TBL2: variants seen among roughly 807,000 people sequenced by gnomAD.
TBL2 encodes transducin beta like 2.
Under a neutral mutation model 41.8 loss-of-function variants are expected in TBL2, and 33 were observed. That is an observed-to-expected ratio of 0.79 (90% CI 0.60 to 1.06). The LOEUF (loss-of-function observed/expected upper bound fraction) is 1.06, where lower values mean the gene tolerates loss of function less well. Among genes scored for constraint, TBL2 ranks in the 50% least tolerant of loss-of-function variants. The probability of loss-of-function intolerance (pLI) is 0.00; values close to 1 mark genes in which losing one functional copy is unlikely to be tolerated. For missense variants in TBL2, 522 were observed against 603.8 expected (o/e 0.86, Z 1.42); for synonymous variants, 239 against 241.7 (o/e 0.99, Z 0.10).
In TBL2 at chr7:73,574,405, C is replaced by T. The variant is rs782343176; in HGVS notation, c.239G>A (p.Arg80His). 5 of 1,613,666 alleles carry T rather than the reference C, an allele frequency of 3.1e-6. No individual in the cohort carries two copies. Among genetic ancestry groups the T allele is most frequent in the South Asian group, 1.1e-5 (1 of 91,058 alleles). ...EKPQQHNFTH[R>H]LLAAALKSHS... is the part of the protein sequence containing the mutation. ...TACCTTCAGAGCTGCAGCCAGGAGG[C>T]GGTGGGTGAAGTTGTGTTGTTGAGG... The change falls in exon 2 of 7, where the codon CGC becomes CAC. Residue 80 changes from arginine (R) to histidine (H), a missense_variant. Physicochemically the swap from Arg to His is conservative, Grantham distance 29. Transcript: ENST00000305632.
chr7:73,575,141 T>C (rs1315752171), intron 1 of TBL2, among the ~76,000 whole-genome samples: 5 of 152,038 alleles, frequency 3.3e-5, no homozygotes, highest in Admixed American at 3.3e-4. Flanking sequence ...TTTCTTTTTT[T>C]TGGAGACAGA....
Position 73,570,471 on chromosome 7 carries a change from CTCCTCCTCA to C in TBL2, c.*27_*35del, listed in dbSNP as rs781796941. 175 of 1,458,864 alleles carry C rather than the reference CTCCTCCTCA, an allele frequency of 1.2e-4. No homozygotes were observed. The African/African-American group carries it at 2.3e-3, about 19-fold the overall frequency. 90.4% of individuals were successfully genotyped at this position (1,458,864 alleles called of 1,614,324 possible). A position where few individuals can be genotyped will look rare whatever the true frequency, so the allele number is the denominator to read the frequency against. ...GCAGTGCCATGAGGAGGCCAGATCC[CTCCTCCTCA>C]ATCCTCTGCGCCGGGCCCTCCCAGA... On this transcript the variant is annotated 3_prime_UTR_variant, in exon 7 of 7. Coordinates refer to ENST00000305632, the MANE Select transcript of TBL2 (RefSeq NM_012453.4).
In TBL2 at chr7:73,568,271, T is replaced by C. The variant is rs1006873149; in HGVS notation, c.*2236A>G. On this transcript the variant is annotated 3_prime_UTR_variant, in exon 7 of 7. Coordinates refer to ENST00000305632, the MANE Select transcript of TBL2 (RefSeq NM_012453.4). The stretch of plus-strand genomic sequence containing the variant: ...GGTCCAGGAGTCTGCCCGGTGGTGC[T>C]CTCATTCCAGTGGGTTCAACAGTGA... Among the ~76,000 whole-genome samples the C allele has an allele frequency of 6.6e-6, 1 of 152,026 alleles. No homozygotes were observed. Among genetic ancestry groups the C allele is most frequent in the Non-Finnish European group, 1.5e-5 (1 of 67,998 alleles).
In TBL2 at chr7:73,569,503, G is replaced by A. The variant is rs1352287135; in HGVS notation, c.*1004C>T. On this transcript the variant is annotated 3_prime_UTR_variant, in exon 7 of 7. Transcript: ENST00000305632. ...CTCAATACCGACTCTCTTATCAAAT[G>A]TACCCCTTCAACTTCAATACCCATT... is the stretch of plus-strand genomic sequence containing the variant. 4 of 152,126 alleles carry A rather than the reference G, an allele frequency of 2.6e-5. No homozygotes were observed. The highest frequency in any genetic ancestry group is 9.7e-5 in the African/African-American group (4 of 41,408). The allele number at this position is 152,126 out of a possible 1,614,324, so 9.4% of individuals were successfully genotyped here.
intron 1 of TBL2, among the ~76,000 whole-genome samples, chr7:73,576,031 C>A (rs567513756): frequency 9.8e-4 from 148 of 150,910 alleles, no homozygotes; most frequent in African/African-American, 3.5e-3. Flanking sequence ...GATTCTGTCT[C>A]AAAATAAATA....
intron 1 of TBL2, chr7:73,578,015 G>A: frequency 2.0e-6 from 1 of 488,766 alleles, no homozygotes; most frequent in South Asian, 3.4e-5. Context: ...TCCTTTACTG[G>A]ACTCCTTACA....
At chr7:73,576,692 C>T (rs1793342650) in intron 1 of TBL2, 1 of 456,484 alleles carries the variant, frequency 2.2e-6, no homozygotes, top group South Asian at 1.5e-5. Context: ...AGGAAAAAAG[C>T]TCCTGGGCCC....
In TBL2 at chr7:73,570,314, G is replaced by A; in HGVS notation, c.*193C>T. The A allele has an allele frequency of 9.7e-7, 1 of 1,030,826 alleles. No individual in the cohort carries two copies. 63.9% of individuals were successfully genotyped at this position (1,030,826 alleles called of 1,614,324 possible). The stretch of plus-strand genomic sequence containing the variant: ...AAAAGCACCTTGGCCACTAGTCAGG[G>A]AGGAGTCACAGCCAGCAAGAAGAGA... On this transcript the variant is annotated 3_prime_UTR_variant, in exon 7 of 7. Coordinates refer to ENST00000305632, the MANE Select transcript of TBL2 (RefSeq NM_012453.4).
At chr7:73,573,582 T>G in intron 3 of TBL2, 111 bp from the exon 4 acceptor site, 1 of 1,407,334 alleles carries the variant, frequency 7.1e-7, no homozygotes, top group Non-Finnish European at 9.6e-7. Flanking sequence ...TGCCCCACAG[T>G]CTAGCCTTAA....
At chr7:73,574,918 T>C (rs956435008) in intron 1 of TBL2, 26 of 347,388 alleles carry the variant, frequency 7.5e-5, no homozygotes, top group South Asian at 5.8e-4. Context: ...CTGTTTACAG[T>C]AAGTCCACAG....
rs1419768651 is a variant in TBL2, at chr7:73,574,410, G to A, written c.234C>T (p.Thr78=). Reference sequence around the variant, plus strand: ...TCAGAGCTGCAGCCAGGAGGCGGTGGGTGAAGTTGTGTTGTTGAGGCTTCT... The same window carrying A: ...TCAGAGCTGCAGCCAGGAGGCGGTGAGTGAAGTTGTGTTGTTGAGGCTTCT... ...RKEKPQQHNF[T]HRLLAAALKS... is the part of the protein sequence containing the mutation. Residue 78 remains threonine (T), a synonymous_variant, in exon 2 of 7, where the codon ACC becomes ACT. Transcript: ENST00000305632. The A allele has an allele frequency of 8.1e-6, 13 of 1,613,828 alleles. No individual in the cohort carries two copies. The highest frequency in any genetic ancestry group is 1.0e-5 in the Non-Finnish European group (12 of 1,180,044).
In TBL2 at chr7:73,572,940, G is replaced by C. The variant is rs782306855; in HGVS notation, c.629C>G (p.Thr210Ser). 21 of 1,614,216 alleles carry C rather than the reference G, an allele frequency of 1.3e-5. No individual in the cohort carries two copies. Among genetic ancestry groups the C allele is most frequent in the Non-Finnish European group, 1.7e-5 (20 of 1,180,046 alleles). ...GKFIMTASSDTTVLIWSLKGQ... is the reference protein window; with the variant it reads ...GKFIMTASSDSTVLIWSLKGQ... ...CTTCAGGCTCCAGATGAGGACAGTG[G>C]TGTCACTGGAGGCAGTCATGATAAA... is the stretch of plus-strand genomic sequence containing the variant. Residue 210 changes from threonine to serine, a missense_variant, in exon 5 of 7, where the codon ACC becomes AGC. Coordinates refer to ENST00000305632, the MANE Select transcript of TBL2 (RefSeq NM_012453.4).
chr7:73,574,781 C>A, intron 1 of TBL2: 1 of 550,868 alleles, frequency 1.8e-6, no homozygotes, highest in Non-Finnish European at 3.4e-6. Context: ...TACTGCATTC[C>A]ATCCTGAGTG....
At chr7:73,574,189 G>A in intron 2 of TBL2, 67 bp from the exon 3 acceptor site, 1 of 1,584,306 alleles carries the variant, frequency 6.3e-7, no homozygotes, top group Non-Finnish European at 8.6e-7. Context: ...CAAACCTGGA[G>A]CCGGGGAGAT....
chr7:73,577,005 C>T (rs193254031), intron 1 of TBL2, among the ~76,000 whole-genome samples: 1 of 152,222 alleles, frequency 6.6e-6, no homozygotes, highest in East Asian at 1.9e-4. Flanking sequence ...CGCCTGTAAT[C>T]CCAGCACTTT....
rs183320744 is a variant in TBL2 at position 73,574,632 on chromosome 7, T to C, written c.131-119A>G. ...GATTAACCAGATATGGCCCTTGTCT[T>C]CTGGAGGAGAATGAGTGTGATATGG... On this transcript the variant is annotated intron_variant, in intron 1 of 6. Transcript: ENST00000305632. 5.6e-5 allele frequency: 81 copies of C among 1,439,220 alleles called. No homozygotes were observed. The East Asian group carries it at 1.7e-3, about 31-fold the overall frequency. The allele number at this position is 1,439,220 out of a possible 1,614,324, so 89.2% of individuals were successfully genotyped here.
Position 73,568,230 on chromosome 7 carries a change from G to A in TBL2, c.*2277C>T, listed in dbSNP as rs1389514314. Among the ~76,000 whole-genome samples the A allele has an allele frequency of 6.6e-6, 1 of 152,138 alleles. No homozygotes were observed. The highest frequency in any genetic ancestry group is 1.9e-4 in the East Asian group (1 of 5,194). ...TCCCAGGTACTGTGCCTGGACCACA[G>A]AGCTGACAGTGGGATGGTCCAGGAG... On this transcript the variant is annotated 3_prime_UTR_variant, in exon 7 of 7. Transcript: ENST00000305632.
chr7:73,574,856 A>C (rs1793201707), intron 1 of TBL2: 1 of 391,904 alleles, frequency 2.6e-6, no homozygotes, highest in Non-Finnish European at 4.9e-6. Context: ...AGGCTTTGGA[A>C]TCAGACCTGG....
intron 6 of TBL2, 43 bp from the exon 7 acceptor site, chr7:73,571,015 G>A (rs117608476): frequency 6.4e-7 from 1 of 1,570,612 alleles, no homozygotes; most frequent in East Asian, 2.2e-5. Flanking sequence ...ACACACCCTG[G>A]CAGGGTAAGC....
Sources: gnomAD v4.1 joint callset for allele counts (sites outside exome capture counted in the v4.1 genomes callset) on GRCh38, gnomAD v4.1.1 for gene constraint, MANE v1.5 for transcripts, NCBI Gene and HGNC (gene_info 2026-07-23, HGNC 2026-07-21) for gene names.